EML1: variants seen among roughly 807,000 people sequenced by gnomAD.
The protein encoded by EML1 is EMAP like 1, also known as echinoderm microtubule-associated protein-like 1.
Under a neutral mutation model 110.4 loss-of-function variants are expected in EML1, and 27 were observed. The ratio of observed to expected loss-of-function variants is 0.24; its 90% CI spans 0.18 to 0.34. EML1 has a LOEUF of 0.34. Among genes scored for constraint, EML1 ranks in the 10% least tolerant of loss-of-function variants. The probability of loss-of-function intolerance (pLI) is 1.00; values close to 1 mark genes in which losing one functional copy is unlikely to be tolerated. For missense variants in EML1, 741 were observed against 1,030.9 expected, an observed-to-expected ratio of 0.72 and a Z score of 3.85; for synonymous variants, 344 against 385.8, an observed-to-expected ratio of 0.89 and a Z score of 1.27.
chr14:99,787,713 G>A (rs2057616452), intron 1 of EML1, among the ~76,000 whole-genome samples: 2 of 152,254 alleles, frequency 1.3e-5, no homozygotes, highest in South Asian at 4.1e-4. Context: ...ACCCAGGTGT[G>A]GGCAGGGCTG....
At chr14:99,881,218 G>T (rs984551931) in intron 4 of EML1, among the ~76,000 whole-genome samples, 12 of 152,144 alleles carry the variant, frequency 7.9e-5, no homozygotes, top group African/African-American at 2.9e-4. Flanking sequence ...GACGTCATAG[G>T]GATGGCTTCC....
intron 1 of EML1, among the ~76,000 whole-genome samples, chr14:99,830,806 C>G (rs2058438169): frequency 6.6e-6 from 1 of 152,310 alleles, no homozygotes; most frequent in East Asian, 1.9e-4. Context: ...CCGCCTCAGC[C>G]TCCTAAAGTG....
intron 5 of EML1, chr14:99,892,019 G>A (rs554567866): frequency 3.1e-4 from 123 of 395,646 alleles, no homozygotes; most frequent in African/African-American, 2.1e-3. Context: ...TCCCTGAACC[G>A]TGTCCAGATT....
At chr14:99,865,996 A>G (rs1369507723) in intron 3 of EML1, among the ~76,000 whole-genome samples, 6 of 152,256 alleles carry the variant, frequency 3.9e-5, no homozygotes, top group South Asian at 2.1e-4. Context: ...TCAGATTGCC[A>G]TAGCAACCTT....
intron 5 of EML1, chr14:99,892,138 G>A (rs1400747729): frequency 2.0e-6 from 2 of 985,284 alleles, no homozygotes; most frequent in Non-Finnish European, 1.2e-6. Context: ...TCTTTATCTA[G>A]CCCTTCTGTC....
At chr14:99,869,215 C>CT (rs2059154408) in intron 3 of EML1, among the ~76,000 whole-genome samples, 1 of 152,132 alleles carries the variant, frequency 6.6e-6, no homozygotes, top group South Asian at 2.1e-4. Context: ...TTGAGTAAAT[C>CT]TATCAGCATC....
intron 1 of EML1, among the ~76,000 whole-genome samples, chr14:99,739,121 T>A (rs75488603): frequency 0.23 from 1,849 of 8,120 alleles, 23 homozygotes; most frequent in Admixed American, 0.4. Flanking sequence ...AGAGAGAGAG[T>A]GTGTGTGTGT....
chr14:99,837,513 A>T lies in EML1; in HGVS notation c.68-13340A>T, dbSNP rs546840267. Among the ~76,000 whole-genome samples the T allele has an allele frequency of 3.6e-3, 541 of 152,310 alleles. 2 individuals carry two copies. Among genetic ancestry groups the T allele is most frequent in the African/African-American group, 0.013 (522 of 41,564 alleles). On this transcript the variant is annotated intron_variant, in intron 1 of 21. Transcript: ENST00000262233. ...TACAGAATGTCAAAAAGGATTAAAA[A>T]TTTTTTTACAGTAACAACGAATGTG...
At position 99,901,662 on chromosome 14, in the gene EML1, G is replaced by A. The variant is rs550193183; in HGVS notation, c.1008+623G>A. Among the ~76,000 whole-genome samples, 60 of 152,302 alleles carry A rather than the reference G, an allele frequency of 3.9e-4. 1 individual carries two copies. Among genetic ancestry groups the A allele is most frequent in the African/African-American group, 1.4e-3 (60 of 41,564 alleles). On this transcript the variant is annotated intron_variant, in intron 9 of 21. Coordinates refer to ENST00000262233, the MANE Select transcript of EML1 (RefSeq NM_004434.3). ...ACTTCCTGATGCTGCCATGGCATTT[G>A]TAAACTGTCATGGTGCTGGTGGGAG...
At chr14:99,756,656 G>A (rs376752840) in intron 1 of EML1, among the ~76,000 whole-genome samples, 102 of 152,264 alleles carry the variant, frequency 6.7e-4, no homozygotes, top group African/African-American at 2.4e-3. Context: ...AACGCTGGTG[G>A]GCACTGCAGT....
At chr14:99,820,891 C>G (rs2058249689) in intron 1 of EML1, among the ~76,000 whole-genome samples, 1 of 152,098 alleles carries the variant, frequency 6.6e-6, no homozygotes, top group South Asian at 2.1e-4. Flanking sequence ...TGAGATTTTT[C>G]AAAAGCCTAC....
At chr14:99,869,829 C>T (rs570140788) in intron 3 of EML1, among the ~76,000 whole-genome samples, 1 of 152,266 alleles carries the variant, frequency 6.6e-6, no homozygotes, top group Admixed American at 6.5e-5. Flanking sequence ...CACCTCCTCC[C>T]CACTTGCTCC....
At position 99,739,091 on chromosome 14, in the gene EML1, T is replaced by TGTGTGTGTGTGA. The variant is rs112232539; in HGVS notation, c.28+1232_28+1233insTGTGTGTGTGAG. Among the ~76,000 whole-genome samples the TGTGTGTGTGTGA allele has an allele frequency of 1.1e-3, 147 of 136,500 alleles. 4 individuals are homozygous for TGTGTGTGTGTGA. The highest frequency in any genetic ancestry group is 7.0e-3 in the South Asian group (28 of 3,990). The allele number at this position is 136,500 out of a possible 152,430, so 89.5% of individuals were successfully genotyped here. A position where few individuals can be genotyped will look rare whatever the true frequency, so the allele number is the denominator to read the frequency against. On this transcript the variant is annotated intron_variant, in intron 1 of 10. Coordinates refer to the EML1 transcript ENST00000554479. Reference sequence around the variant, plus strand: ...GTGTGTGTGTGTGTGTGTGTGTGTGTGAGAGAGAGAGACAGAGAGAGAGAG... The same window carrying TGTGTGTGTGTGA: ...GTGTGTGTGTGTGTGTGTGTGTGTGTGTGTGTGTGTGAGAGAGAGAGAGACAGAGAGAGAGAG...
chr14:99,799,427 A>G (rs2139679430), intron 1 of EML1, among the ~76,000 whole-genome samples: 1 of 152,360 alleles, frequency 6.6e-6, no homozygotes, highest in African/African-American at 2.4e-5. Flanking sequence ...CTGTAAGGAA[A>G]TTATCCAAAC....
At chr14:99,841,711 G>A (rs1450349894) in intron 1 of EML1, among the ~76,000 whole-genome samples, 4 of 152,220 alleles carry the variant, frequency 2.6e-5, no homozygotes, top group Non-Finnish European at 5.9e-5. Flanking sequence ...TAAGACATCT[G>A]CATCAATGCC....
chr14:99,809,899 C>CA (rs1168200999), intron 1 of EML1, among the ~76,000 whole-genome samples: 1 of 152,202 alleles, frequency 6.6e-6, no homozygotes, highest in African/African-American at 2.4e-5. Flanking sequence ...ATGCCCTGGA[C>CA]TTCCGTTTTA....
At position 99,939,317 on chromosome 14, in the gene EML1, C is replaced by T. The variant is rs746865287; in HGVS notation, c.2312C>T (p.Ser771Leu). 28 of 1,614,076 alleles carry T rather than the reference C, an allele frequency of 1.7e-5. No homozygotes were observed. The highest frequency in any genetic ancestry group is 2.1e-5 in the Non-Finnish European group (25 of 1,180,034). The change falls in exon 21 of 22, where the codon TCG (serine) becomes TTG (leucine). Residue 771 changes from serine (S) to leucine (L), a missense_variant. By Grantham distance (145) the Ser-to-Leu change is moderately radical (BLOSUM62 -2). This residue lies in a region of EML1 where 114 missense variants were observed against 122.5 expected (regional missense o/e 0.93). Coordinates refer to ENST00000262233, the MANE Select transcript of EML1 (RefSeq NM_004434.3). This position sits in a 1 kb window ranked among gnomAD's most constrained non-coding sequence, Gnocchi z 4.2. Reference protein sequence around the residue: ...GKVHLFSYPCSQFRAPSHIYG... With the variant: ...GKVHLFSYPCLQFRAPSHIYG... Reference sequence around the variant, plus strand: ...GTGCACCTCTTCTCATACCCCTGCTCGCAGTTCAGGGTAAAGGACTTGTTT... The same window carrying T: ...GTGCACCTCTTCTCATACCCCTGCTTGCAGTTCAGGGTAAAGGACTTGTTT...
chr14:99,741,628 A>C (rs1347109391), intron 1 of EML1, among the ~76,000 whole-genome samples: 9 of 148,336 alleles, frequency 6.1e-5, no homozygotes, highest in East Asian at 2.0e-4. Context: ...TTTTGCGCCC[A>C]CCCCCCCCCA....
At chr14:99,837,457 C>T (rs1282853707) in intron 1 of EML1, among the ~76,000 whole-genome samples, 3 of 152,160 alleles carry the variant, frequency 2.0e-5, no homozygotes, top group Non-Finnish European at 4.4e-5. Flanking sequence ...TGGCTGGAAG[C>T]AGAAGTTGAT....
Sources: allele counts gnomAD v4.1 joint callset (sites outside exome capture counted in the v4.1 genomes callset), GRCh38; gene constraint gnomAD v4.1.1; regional missense constraint gnomAD v4.1.1; non-coding constraint Gnocchi (gnomAD v3.1); transcripts MANE v1.5; gene names NCBI Gene and HGNC (gene_info 2026-07-23, HGNC 2026-07-21).